Variants in SH3BP4 observed in about 807,000 individuals in gnomAD.
The protein encoded by SH3BP4 is SH3 domain binding protein 4.
SH3BP4 carries 33 observed loss-of-function variants against 65.5 expected under a neutral mutation model. The ratio of observed to expected loss-of-function variants is 0.50; its 90% CI spans 0.38 to 0.67. The LOEUF is 0.67. Among genes scored for constraint, SH3BP4 ranks in the 30% least tolerant of loss-of-function variants. SH3BP4 has a pLI of 0.00. For missense variants in SH3BP4, 1,134 were observed against 1,261.4 expected, an observed-to-expected ratio of 0.90 and a Z score of 1.53; for synonymous variants, 552 against 545.5, an observed-to-expected ratio of 1.01 and a Z score of -0.17.
rs575156262 is a variant in SH3BP4, at chr2:234,993,812, T to G, written c.-206-1491T>G. 9.7e-4 allele frequency among the ~76,000 whole-genome samples: 148 copies of G among 152,366 alleles called. 3 individuals are homozygous for G. The highest frequency in any genetic ancestry group is 9.6e-4 in the Non-Finnish European group (65 of 68,034). ...GATGGACGGATGGCGGCGTCCTGCC[T>G]TCTCTGCCGAGAATGGGGCCGCCTT... On this transcript the variant is annotated intron_variant, in intron 1 of 5. Coordinates refer to ENST00000392011, the MANE Select transcript of SH3BP4 (RefSeq NM_014521.3).
intron 3 of SH3BP4, among the ~76,000 whole-genome samples, chr2:235,038,360 ATATATAATATATATACATATATATAT>A (rs1367001924): frequency 1.2e-4 from 1 of 8,694 alleles, no homozygotes; most frequent in South Asian, 1.7e-3. Flanking sequence ...TTATATATAT[ATATATAATATATATACATATATATAT>A]ATATATATAT....
In SH3BP4 at chr2:235,046,241, A is replaced by G. The variant is rs1451255877; in HGVS notation, c.2478+2994A>G. ...TCTCTGCAGCCCCGCGCACTCCATC[A>G]TCCTCTGTCTCCATGGTGTTTCTTG... On this transcript the variant is annotated intron_variant, in intron 4 of 5. Coordinates refer to ENST00000392011, the MANE Select transcript of SH3BP4 (RefSeq NM_014521.3). This position sits in a 1 kb window ranked among gnomAD's most constrained non-coding sequence, Gnocchi z 4.2. Among the ~76,000 whole-genome samples, 1 of 151,912 alleles carries G rather than the reference A, an allele frequency of 6.6e-6. No individual in the cohort carries two copies. The highest frequency in any genetic ancestry group is 1.5e-5 in the Non-Finnish European group (1 of 67,990).
chr2:235,012,784 G>A (rs982004681), intron 2 of SH3BP4, among the ~76,000 whole-genome samples: 6 of 152,162 alleles, frequency 3.9e-5, no homozygotes, highest in East Asian at 1.9e-4. Flanking sequence ...AACTCATGCC[G>A]TGCCATTGTC....
intron 2 of SH3BP4, among the ~76,000 whole-genome samples, chr2:235,023,622 GAA>G (rs1694910626): frequency 6.6e-6 from 1 of 152,098 alleles, no homozygotes; most frequent in African/African-American, 2.4e-5. Flanking sequence ...AAAATCTTAG[GAA>G]AATTAAGAAA....
intron 2 of SH3BP4, among the ~76,000 whole-genome samples, chr2:235,005,211 T>G (rs2106287852): frequency 6.6e-6 from 1 of 152,304 alleles, no homozygotes; most frequent in East Asian, 1.9e-4. Flanking sequence ...TGCCCTGTGC[T>G]GGCCATGTCT....
rs760403810 is a variant in SH3BP4 at position 235,030,923 on chromosome 2, C to T, written c.-132-3948C>T. On this transcript the variant is annotated intron_variant, in intron 2 of 5. Transcript: ENST00000392011. The surrounding 1 kb of genome is among the most constrained non-coding windows in gnomAD (Gnocchi z 4.1). Reference sequence around the variant, plus strand: ...TACTGTAAAAACGGCCCCAAGGGTGCGGACAGGGGGCACCTCTGTTACTCA... The same window carrying T: ...TACTGTAAAAACGGCCCCAAGGGTGTGGACAGGGGGCACCTCTGTTACTCA... Among the ~76,000 whole-genome samples, 2 of 152,124 alleles carry T rather than the reference C, an allele frequency of 1.3e-5. No individual in the cohort carries two copies. The highest frequency in any genetic ancestry group is 2.9e-5 in the Non-Finnish European group (2 of 68,006).
chr2:235,000,153 A>G (rs1559238204), intron 2 of SH3BP4, among the ~76,000 whole-genome samples: 1 of 152,200 alleles, frequency 6.6e-6, no homozygotes, highest in South Asian at 2.1e-4. Flanking sequence ...CAATAGGGGA[A>G]GTGGCACTCA....
chr2:234,962,818 T>A (rs1692745734), intron 1 of SH3BP4, among the ~76,000 whole-genome samples: 1 of 151,946 alleles, frequency 6.6e-6, no homozygotes, highest in Non-Finnish European at 1.5e-5. Flanking sequence ...CTCCGCCTCC[T>A]AGGTTCAAGC....
chr2:234,961,592 C>T (rs1692716661), intron 1 of SH3BP4, among the ~76,000 whole-genome samples: 1 of 152,040 alleles, frequency 6.6e-6, no homozygotes, highest in Non-Finnish European at 1.5e-5. Flanking sequence ...TTTTGAGCCC[C>T]ATGCTTGTCA....
At chr2:235,019,895 A>AT (rs1355323824) in intron 2 of SH3BP4, among the ~76,000 whole-genome samples, 3 of 151,716 alleles carry the variant, frequency 2.0e-5, no homozygotes, top group African/African-American at 7.3e-5. Flanking sequence ...AAAAAAAAAA[A>AT]ATCTTTAAAA....
In SH3BP4 at chr2:235,018,714, T is replaced by A. The variant is rs1694761749; in HGVS notation, c.-132-16157T>A. Among the ~76,000 whole-genome samples the A allele has an allele frequency of 3.3e-5, 5 of 152,338 alleles. No homozygotes were observed. The South Asian group carries it at 1.0e-3, about 32-fold the overall frequency. On this transcript the variant is annotated intron_variant, in intron 2 of 5. Transcript: ENST00000392011. ...GTGCAATGCTGCCTTTGGGTTCCAG[T>A]TACTTTTTTAAACCCATTTTCCTGA...
At position 235,040,890 on chromosome 2, in the gene SH3BP4, C is replaced by T. The variant is rs552963317; in HGVS notation, c.121C>T (p.Pro41Ser). ...TGTTTTCTTTGTGTTTTGCACAGTG[C>T]CTTCTCCCAGTGCCTTGCTCGTAGA... ...SETSFNDIKVPSPSALLVDNP... is the reference protein window; with the variant it reads ...SETSFNDIKVSSPSALLVDNP... The change falls in exon 4 of 6, where the codon CCT becomes TCT. Residue 41 changes from proline (P) to serine (S), a missense_variant and splice_region_variant. Transcript: ENST00000392011. The T allele has an allele frequency of 2.5e-6, 4 of 1,609,076 alleles. No individual in the cohort carries two copies. The highest frequency in any genetic ancestry group is 1.7e-5 in the Admixed American group (1 of 59,908).
At position 235,002,888 on chromosome 2, in the gene SH3BP4, G is replaced by GA. The variant is rs149122587; in HGVS notation, c.-133+7513dup. On this transcript the variant is annotated intron_variant, in intron 2 of 5. Coordinates refer to ENST00000392011, the MANE Select transcript of SH3BP4 (RefSeq NM_014521.3). Reference sequence around the variant, plus strand: ...ATTCTAGAATTGTCAGCAGAGGGAGGAGTTGCCTGACAGCAGCAGATTCCA... The same window carrying GA: ...ATTCTAGAATTGTCAGCAGAGGGAGGAAGTTGCCTGACAGCAGCAGATTCCA... Among the ~76,000 whole-genome samples the GA allele has an allele frequency of 4.7e-3, 720 of 152,314 alleles. 6 individuals are homozygous for GA. Among genetic ancestry groups the GA allele is most frequent in the African/African-American group, 0.017 (691 of 41,570 alleles).
intron 2 of SH3BP4, among the ~76,000 whole-genome samples, chr2:235,007,307 A>G (rs1025311780): frequency 6.6e-6 from 1 of 152,094 alleles, no homozygotes; most frequent in Admixed American, 6.5e-5. Flanking sequence ...GTTGCAGTGG[A>G]GACCAAATGG....
At chr2:235,022,103 G>A (rs1694860912) in intron 2 of SH3BP4, among the ~76,000 whole-genome samples, 1 of 152,216 alleles carries the variant, frequency 6.6e-6, no homozygotes, top group Non-Finnish European at 1.5e-5. Flanking sequence ...AGGAAAGATT[G>A]ATATGATTAA....
intron 1 of SH3BP4, among the ~76,000 whole-genome samples, chr2:234,962,625 C>T (rs560050060): frequency 2.3e-4 from 35 of 152,178 alleles, no homozygotes; most frequent in Non-Finnish European, 5.0e-4. Context: ...ATGCGTCTTT[C>T]AGATATTTTC....
At chr2:234,988,435 C>T (rs1574795969) in intron 1 of SH3BP4, among the ~76,000 whole-genome samples, 1 of 152,324 alleles carries the variant, frequency 6.6e-6, no homozygotes, top group Non-Finnish European at 1.5e-5. Flanking sequence ...AAGGGAGCTG[C>T]CCTTGTCTCA....
At position 234,977,880 on chromosome 2, in the gene SH3BP4, G is replaced by A. The variant is rs932058219; in HGVS notation, c.-206-17423G>A. Among the ~76,000 whole-genome samples, 22 of 152,284 alleles carry A rather than the reference G, an allele frequency of 1.4e-4. No homozygotes were observed. The highest frequency in any genetic ancestry group is 5.3e-4 in the African/African-American group (22 of 41,568). Reference sequence around the variant, plus strand: ...TGAGTTTCTAGTCTTAAGCAAGAAGGGTGTCACCGAGGTTGTGTCCTGCAG... The same window carrying A: ...TGAGTTTCTAGTCTTAAGCAAGAAGAGTGTCACCGAGGTTGTGTCCTGCAG... On this transcript the variant is annotated intron_variant, in intron 1 of 5. Coordinates refer to ENST00000392011, the MANE Select transcript of SH3BP4 (RefSeq NM_014521.3). The surrounding 1 kb of genome is among the most constrained non-coding windows in gnomAD (Gnocchi z 5.1).
intron 2 of SH3BP4, among the ~76,000 whole-genome samples, chr2:235,007,741 C>A (rs949444360): frequency 6.6e-6 from 1 of 152,042 alleles, no homozygotes; most frequent in South Asian, 2.1e-4. Flanking sequence ...ATCCTGAGCC[C>A]GGGCTGCGGC....
Sources: gnomAD v4.1 joint callset for allele counts (sites outside exome capture counted in the v4.1 genomes callset) on GRCh38, gnomAD v4.1.1 for gene constraint, Gnocchi (gnomAD v3.1) non-coding constraint, MANE v1.5 for transcripts, NCBI Gene and HGNC (gene_info 2026-07-23, HGNC 2026-07-21) for gene names.